The following RNF220 variants were observed in gnomAD, a reference collection of about 807,000 sequenced individuals.
RNF220 encodes the protein ring finger protein 220.
A neutral mutation model predicts 67.1 loss-of-function variants in RNF220; 7 were observed. The ratio of observed to expected loss-of-function variants is 0.10; its 90% CI spans 0.06 to 0.20. The LOEUF (loss-of-function observed/expected upper bound fraction) is 0.20, where lower values mean the gene tolerates loss of function less well. Ranked by LOEUF, RNF220 falls within the 10% of genes least tolerant of loss-of-function variation. The pLI, the probability that RNF220 is intolerant of heterozygous loss-of-function variation, is 1.00. For synonymous variants in RNF220, 270 were observed against 283.2 expected (o/e 0.95, Z 0.47); for missense variants, 565 against 740.3 (o/e 0.76, Z 2.75).
chr1:44,533,757 C>T (rs1277096226), intron 2 of RNF220, among the ~76,000 whole-genome samples: 1 of 152,150 alleles, frequency 6.6e-6, no homozygotes, highest in African/African-American at 2.4e-5. Context: ...GGAGATAGCA[C>T]CTGACCCAAG....
chr1:44,612,454 T>C (rs1163385591), intron 2 of RNF220, among the ~76,000 whole-genome samples: 1 of 152,208 alleles, frequency 6.6e-6, no homozygotes, highest in Non-Finnish European at 1.5e-5. Flanking sequence ...TTCTCTTTTT[T>C]CCAGTCCTCA....
Position 44,535,128 on chromosome 1 carries a change from G to GCTT in RNF220, c.626-79030_626-79028dup, listed in dbSNP as rs199790680. Reference sequence around the variant, plus strand: ...GTGTGAGGAGGGGCTTCAGGAGGCAGCTTCTTCTTTTTTTTTTTTTTTTTT... The same window carrying GCTT: ...GTGTGAGGAGGGGCTTCAGGAGGCAGCTTCTTCTTCTTTTTTTTTTTTTTTTTT... On this transcript the variant is annotated intron_variant, in intron 2 of 14. Coordinates refer to ENST00000361799, the MANE Select transcript of RNF220 (RefSeq NM_018150.4). Among the ~76,000 whole-genome samples the GCTT allele has an allele frequency of 6.3e-3, 891 of 142,072 alleles. 48 individuals are homozygous for GCTT. Among genetic ancestry groups the GCTT allele is most frequent in the Middle Eastern group, 0.03 (8 of 266 alleles). The allele number at this position is 142,072 out of a possible 152,430, so 93.2% of individuals were successfully genotyped here.
chr1:44,513,419 C>T (rs1038664478), intron 2 of RNF220, among the ~76,000 whole-genome samples: 2 of 152,154 alleles, frequency 1.3e-5, no homozygotes, highest in Admixed American at 6.5e-5. Flanking sequence ...TCTCTCTCCT[C>T]CTCTCTCTCT....
chr1:44,616,117 C>T (rs1643536285), intron 3 of RNF220, among the ~76,000 whole-genome samples: 1 of 152,210 alleles, frequency 6.6e-6, no homozygotes, highest in Admixed American at 6.5e-5. Flanking sequence ...TCCCACAGAG[C>T]ATGCAGTCCA....
chr1:44,423,917 G>A (rs747649211), intron 2 of RNF220: 40 of 985,428 alleles, frequency 4.1e-5, no homozygotes, highest in Non-Finnish European at 4.1e-5. Flanking sequence ...TTCTAGCCTG[G>A]CACACGTCGG....
In RNF220 at chr1:44,624,688, G is replaced by A. The variant is rs1643889421; in HGVS notation, c.805-1609G>A. 1.3e-5 allele frequency among the ~76,000 whole-genome samples: 2 copies of A among 152,166 alleles called. No homozygotes were observed. Among genetic ancestry groups the A allele is most frequent in the South Asian group, 4.1e-4 (2 of 4,820 alleles). On this transcript the variant is annotated intron_variant, in intron 4 of 14. Coordinates refer to ENST00000361799, the MANE Select transcript of RNF220 (RefSeq NM_018150.4). The surrounding 1 kb of genome is among the most constrained non-coding windows in gnomAD (Gnocchi z 4.2). ...AGGACAGGGAGAAGGAGGGAGGGAGGAGGAGGAGAGGGCGAGGGGGCCTTA... is the reference window on the plus strand; with the variant it reads ...AGGACAGGGAGAAGGAGGGAGGGAGAAGGAGGAGAGGGCGAGGGGGCCTTA...
At chr1:44,620,703 C>G (rs1370951173) in intron 3 of RNF220, among the ~76,000 whole-genome samples, 1 of 152,188 alleles carries the variant, frequency 6.6e-6, no homozygotes, top group Non-Finnish European at 1.5e-5. Flanking sequence ...TTTTTACACT[C>G]AGACCTTGGC....
Position 44,651,081 on chromosome 1 carries a change from G to T in RNF220, c.*306G>T. Reference sequence around the variant, plus strand: ...GGGAGTAGTGGGGCACGGCTCCTAAGATCCAGCCCCCATACTGACAGACGG... The same window carrying T: ...GGGAGTAGTGGGGCACGGCTCCTAATATCCAGCCCCCATACTGACAGACGG... On this transcript the variant is annotated 3_prime_UTR_variant, in exon 15 of 15. Transcript: ENST00000361799. The T allele has an allele frequency of 2.3e-6, 1 of 443,116 alleles. No homozygotes were observed. Among genetic ancestry groups the T allele is most frequent in the South Asian group, 2.2e-5 (1 of 46,010 alleles). The allele number at this position is 443,116 out of a possible 1,614,324, so 27.4% of individuals were successfully genotyped here.
intron 2 of RNF220, among the ~76,000 whole-genome samples, chr1:44,528,764 G>A (rs551565413): frequency 6.6e-6 from 1 of 151,930 alleles, no homozygotes; most frequent in South Asian, 2.1e-4. Context: ...ACAGGCATGT[G>A]CCACCACACC....
chr1:44,420,868 G>A (rs182072637), intron 2 of RNF220, among the ~76,000 whole-genome samples: 39 of 152,342 alleles, frequency 2.6e-4, no homozygotes, highest in African/African-American at 9.4e-4. Flanking sequence ...TCAATACTTA[G>A]TTACTGTTGT....
At chr1:44,552,851 G>A (rs1177788368) in intron 2 of RNF220, among the ~76,000 whole-genome samples, 1 of 152,074 alleles carries the variant, frequency 6.6e-6, no homozygotes, top group Non-Finnish European at 1.5e-5. Context: ...TTACAGGCGT[G>A]AGCCACTGCG....
At chr1:44,493,785 G>A (rs1657070298) in intron 2 of RNF220, among the ~76,000 whole-genome samples, 1 of 151,610 alleles carries the variant, frequency 6.6e-6, no homozygotes, top group Non-Finnish European at 1.5e-5. Context: ...GACCAGCCTG[G>A]GCAACATAGG....
chr1:44,629,946 G>T (rs1473009924), intron 5 of RNF220, among the ~76,000 whole-genome samples: 1 of 152,238 alleles, frequency 6.6e-6, no homozygotes, highest in Non-Finnish European at 1.5e-5. Flanking sequence ...TGCAAGGAAA[G>T]TTAGTAGGTG....
rs1424885488 is a variant in RNF220 at position 44,600,822 on chromosome 1, A to C, written c.626-13343A>C. On this transcript the variant is annotated intron_variant, in intron 2 of 14. Coordinates refer to ENST00000361799, the MANE Select transcript of RNF220 (RefSeq NM_018150.4). This position sits in a 1 kb window ranked among gnomAD's most constrained non-coding sequence, Gnocchi z 4.0. ...GGCAACAAGAGCAAGACTCTGTCTC[A>C]AAAAAAAAAAAAGTACAGTGCTTGC... Among the ~76,000 whole-genome samples the C allele has an allele frequency of 8.6e-6, 1 of 116,068 alleles. No individual in the cohort carries two copies. Among genetic ancestry groups the C allele is most frequent in the Admixed American group, 8.2e-5 (1 of 12,196 alleles). The allele number at this position is 116,068 out of a possible 152,430, so 76.1% of individuals were successfully genotyped here.
intron 2 of RNF220, among the ~76,000 whole-genome samples, chr1:44,608,591 A>C (rs527334718): frequency 6.6e-6 from 1 of 152,356 alleles, no homozygotes; most frequent in East Asian, 1.9e-4. Flanking sequence ...AGGATTAATG[A>C]GATAAAGTAT....
At chr1:44,586,942 C>T (rs1665741901) in intron 2 of RNF220, among the ~76,000 whole-genome samples, 1 of 152,108 alleles carries the variant, frequency 6.6e-6, no homozygotes, top group Non-Finnish European at 1.5e-5. Flanking sequence ...TCAGTAACCG[C>T]ATCATAACAA....
At position 44,651,716 on chromosome 1, in the gene RNF220, A is replaced by G. The variant is rs1265471138; in HGVS notation, c.*941A>G. The G allele has an allele frequency of 6.6e-6, 1 of 152,332 alleles. No homozygotes were observed. The highest frequency in any genetic ancestry group is 1.9e-4 in the East Asian group (1 of 5,204). 9.4% of individuals were successfully genotyped at this position (152,332 alleles called of 1,614,324 possible). On this transcript the variant is annotated 3_prime_UTR_variant, in exon 15 of 15. Coordinates refer to ENST00000361799, the MANE Select transcript of RNF220 (RefSeq NM_018150.4). ...CATTTGACATGGATTAAACCAGTATAAACAGTTGCTGCCTGTGTGTTATGT... is the reference window on the plus strand; with the variant it reads ...CATTTGACATGGATTAAACCAGTATGAACAGTTGCTGCCTGTGTGTTATGT...
rs145054751 is a variant in RNF220 at position 44,412,711 on chromosome 1, G to A, written c.614G>A (p.Arg205Gln). Residue 205 changes from arginine (R) to glutamine (Q), a missense_variant, in exon 2 of 15, where the codon CGG becomes CAG. By Grantham distance (43) the Arg-to-Gln change is conservative. Transcript: ENST00000361799. This position sits in a 1 kb window ranked among gnomAD's most constrained non-coding sequence, Gnocchi z 5.3. ...DREASSSPED[R>Q]NDRCKKKAAA... ...GAAGCCTCATCTAGCCCAGAGGATC[G>A]GAATGACAGATGTAAGTACTTTGGT... 4.3e-6 allele frequency: 7 copies of A among 1,613,602 alleles called. No homozygotes were observed. The highest frequency in any genetic ancestry group is 3.3e-5 in the South Asian group (3 of 91,022).
intron 1 of RNF220, among the ~76,000 whole-genome samples, chr1:44,409,625 A>C (rs1647768191): frequency 1.3e-5 from 2 of 152,262 alleles, no homozygotes; most frequent in Non-Finnish European, 2.9e-5. Flanking sequence ...ATCAGCATAG[A>C]GGCAGAAAAG....
Sources: gnomAD v4.1 joint callset for allele counts (sites outside exome capture counted in the v4.1 genomes callset) on GRCh38, gnomAD v4.1.1 for gene constraint, Gnocchi (gnomAD v3.1) non-coding constraint, MANE v1.5 for transcripts, NCBI Gene and HGNC (gene_info 2026-07-23, HGNC 2026-07-21) for gene names.